The following SPSB4 variants were observed in gnomAD, a reference collection of about 807,000 sequenced individuals.
The protein encoded by SPSB4 is splA/ryanodine receptor domain and SOCS box containing 4.
SPSB4 carries 21 observed loss-of-function variants against 20.9 expected under a neutral mutation model. The ratio of observed to expected loss-of-function variants is 1.01; its 90% CI spans 0.71 to 1.45. SPSB4 has a LOEUF of 1.45. SPSB4 is among the 40% of genes most tolerant of loss of function. The pLI is 0.00. For missense variants in SPSB4, 399 were observed against 399.2 expected (o/e 1.00, Z 0.00); for synonymous variants, 207 against 183.8 (o/e 1.13, Z -1.02).
intron 1 of SPSB4, among the ~76,000 whole-genome samples, chr3:141,055,498 AG>A (rs1937621591): frequency 6.6e-6 from 1 of 151,988 alleles, no homozygotes; most frequent in South Asian, 2.1e-4. Context: ...AGCTGCCTGG[AG>A]GGTTGAATGA....
At chr3:141,123,962 T>TAC (rs1370325888) in intron 2 of SPSB4, 2 of 152,292 alleles carry the variant, frequency 1.3e-5, no homozygotes, top group African/African-American at 4.8e-5. Flanking sequence ...GAGTATCCTC[T>TAC]ACCAGACCAA....
At chr3:141,138,087 A>T (rs1939258308) in intron 2 of SPSB4, among the ~76,000 whole-genome samples, 1 of 152,206 alleles carries the variant, frequency 6.6e-6, no homozygotes, top group African/African-American at 2.4e-5. Context: ...CGAGGAATTT[A>T]TCCGTTTCTT....
chr3:141,113,864 G>C (rs1054902538), intron 2 of SPSB4, among the ~76,000 whole-genome samples: 11 of 152,224 alleles, frequency 7.2e-5, no homozygotes, highest in African/African-American at 2.7e-4. Context: ...GGGAGGCCAA[G>C]GCGGGCAGAT....
chr3:141,125,692 G>A (rs1939039674), intron 2 of SPSB4, among the ~76,000 whole-genome samples: 1 of 152,208 alleles, frequency 6.6e-6, no homozygotes, highest in Non-Finnish European at 1.5e-5. Context: ...GCTGTGTCCT[G>A]CCCAGGGTTG....
At chr3:141,109,195 G>T (rs1279261145) in intron 2 of SPSB4, among the ~76,000 whole-genome samples, 4 of 152,066 alleles carry the variant, frequency 2.6e-5, no homozygotes, top group Non-Finnish European at 5.9e-5. Flanking sequence ...GTATTCTAAG[G>T]TGTTTCCCAC....
At chr3:141,127,874 C>T (rs1939073029) in intron 2 of SPSB4, among the ~76,000 whole-genome samples, 2 of 152,212 alleles carry the variant, frequency 1.3e-5, no homozygotes, top group African/African-American at 4.8e-5. Context: ...GGTCTAAGAA[C>T]TGAGAACCGA....
chr3:141,067,977 A>T (rs115627137), intron 2 of SPSB4, among the ~76,000 whole-genome samples: 2 of 152,238 alleles, frequency 1.3e-5, no homozygotes, highest in African/African-American at 4.8e-5. Context: ...GGTTCCCCCC[A>T]GTTCTGATGG....
intron 1 of SPSB4, among the ~76,000 whole-genome samples, chr3:141,063,512 G>C (rs1225603712): frequency 6.6e-6 from 1 of 152,064 alleles, no homozygotes; most frequent in East Asian, 1.9e-4. Flanking sequence ...TTTATTTTTA[G>C]TTCTGGAGGT....
intron 1 of SPSB4, among the ~76,000 whole-genome samples, chr3:141,058,879 C>T (rs1937708763): frequency 6.6e-6 from 1 of 152,178 alleles, no homozygotes; most frequent in Non-Finnish European, 1.5e-5. Context: ...CATATCCTGA[C>T]TTTAGCCCTG....
intron 2 of SPSB4, among the ~76,000 whole-genome samples, chr3:141,078,600 A>G (rs2107785413): frequency 6.6e-6 from 1 of 152,340 alleles, no homozygotes; most frequent in African/African-American, 2.4e-5. Context: ...AGCAGAATTC[A>G]GGGGCTTTCC....
At chr3:141,144,277 T>G (rs1157104402) in intron 2 of SPSB4, among the ~76,000 whole-genome samples, 3 of 152,266 alleles carry the variant, frequency 2.0e-5, no homozygotes, top group Non-Finnish European at 2.9e-5. Context: ...TGATGATTCA[T>G]GAAGTTGAGC....
intron 2 of SPSB4, among the ~76,000 whole-genome samples, chr3:141,125,890 T>A (rs1348019938): frequency 6.6e-6 from 1 of 152,238 alleles, no homozygotes; most frequent in Non-Finnish European, 1.5e-5. Flanking sequence ...AAGGCTTCTC[T>A]TCTAAGAGGT....
intron 2 of SPSB4, among the ~76,000 whole-genome samples, chr3:141,090,022 C>T (rs62283585): frequency 0.11 from 16,867 of 150,486 alleles, 1,082 homozygotes; most frequent in African/African-American, 0.15. Flanking sequence ...TTGCTCCTGC[C>T]TCCCTTACAG....
At position 141,066,517 on chromosome 3, in the gene SPSB4, A is replaced by T. The variant is rs1278239088; in HGVS notation, c.413A>T (p.Glu138Val). Reference protein sequence around the residue: ...GYTALVGSDAESWGWDLGRSR... With the variant: ...GYTALVGSDAVSWGWDLGRSR... Reference sequence around the variant, plus strand: ...ACGGCGCTGGTAGGCAGTGACGCCGAGTCGTGGGGCTGGGACCTGGGCCGC... The same window carrying T: ...ACGGCGCTGGTAGGCAGTGACGCCGTGTCGTGGGGCTGGGACCTGGGCCGC... Residue 138 changes from glutamate (E) to valine (V), a missense_variant, in exon 2 of 3, where the codon GAG becomes GTG. Coordinates refer to ENST00000310546, the MANE Select transcript of SPSB4 (RefSeq NM_080862.3). 6.6e-7 allele frequency: 1 copy of T among 1,506,176 alleles called. No individual in the cohort carries two copies. The highest frequency in any genetic ancestry group is 8.9e-7 in the Non-Finnish European group (1 of 1,126,198). 93.3% of individuals were successfully genotyped at this position (1,506,176 alleles called of 1,614,324 possible).
rs145457667 is a variant in SPSB4, at chr3:141,088,354, G to A, written c.694+21556G>A. On this transcript the variant is annotated intron_variant, in intron 2 of 2. Transcript: ENST00000310546. Reference sequence around the variant, plus strand: ...TTACTTCTAGGTGGCAGGATAAGACGTGAATTTTCCTGCGTCTTTGCGCTT... The same window carrying A: ...TTACTTCTAGGTGGCAGGATAAGACATGAATTTTCCTGCGTCTTTGCGCTT... Among the ~76,000 whole-genome samples, 833 of 152,322 alleles carry A rather than the reference G, an allele frequency of 5.5e-3. 10 individuals are homozygous for A. Among genetic ancestry groups the A allele is most frequent in the African/African-American group, 0.019 (791 of 41,558 alleles).
intron 2 of SPSB4, among the ~76,000 whole-genome samples, chr3:141,078,450 A>G (rs1453065680): frequency 1.3e-5 from 2 of 152,132 alleles, no homozygotes; most frequent in African/African-American, 2.4e-5. Flanking sequence ...GGGAGCCACA[A>G]TGCTCCAGAT....
chr3:141,091,764 C>T (rs184461197), intron 2 of SPSB4, among the ~76,000 whole-genome samples: 21 of 152,326 alleles, frequency 1.4e-4, no homozygotes, highest in Non-Finnish European at 1.8e-4. Flanking sequence ...TCAGGATAGC[C>T]CAATGGCACT....
intron 1 of SPSB4, among the ~76,000 whole-genome samples, chr3:141,055,742 C>A (rs1210695427): frequency 6.6e-6 from 1 of 152,194 alleles, no homozygotes; most frequent in African/African-American, 2.4e-5. Context: ...AGAGGCCAGG[C>A]TCAGCCTAGG....
intron 2 of SPSB4, among the ~76,000 whole-genome samples, chr3:141,073,198 TGTGA>T (rs1010726353): frequency 2.6e-5 from 4 of 152,242 alleles, no homozygotes; most frequent in Admixed American, 6.5e-5. Flanking sequence ...TCAGAGTTGC[TGTGA>T]GTATTAGAAG....
Sources: allele counts gnomAD v4.1 joint callset (sites outside exome capture counted in the v4.1 genomes callset), GRCh38; gene constraint gnomAD v4.1.1; transcripts MANE v1.5; gene names NCBI Gene and HGNC (gene_info 2026-07-23, HGNC 2026-07-21).